Variants in PIERCE2 observed in about 807,000 individuals in gnomAD.
The protein encoded by PIERCE2 is piercer of microtubule wall 2 protein.
chr15:55,409,273 C>T, the PIERCE2 span, among the ~76,000 whole-genome samples: 1 of 151,884 alleles, frequency 6.6e-6, no homozygotes, highest in East Asian at 1.9e-4. Flanking sequence ...GGAGAGGTGG[C>T]GCGGGCCTGT....
chr15:55,415,991 C>G, the PIERCE2 span, among the ~76,000 whole-genome samples: 1 of 152,074 alleles, frequency 6.6e-6, no homozygotes, highest in Non-Finnish European at 1.5e-5. Context: ...TTAAATTTTT[C>G]TACAATAAAG....
chr15:55,417,904 G>C, the PIERCE2 span: 1 of 447,374 alleles, frequency 2.2e-6, no homozygotes, highest in Non-Finnish European at 4.0e-6. Flanking sequence ...ATTCTGTGGC[G>C]GGCAGGGGCA....
the PIERCE2 span, among the ~76,000 whole-genome samples, chr15:55,416,222 C>A: frequency 6.6e-6 from 1 of 152,108 alleles, no homozygotes; most frequent in African/African-American, 2.4e-5. Context: ...CTGCCTCAGC[C>A]TCCCGAGTAG....
chr15:55,408,746 A>G, the PIERCE2 span: 7 of 1,527,478 alleles, frequency 4.6e-6, no homozygotes, highest in South Asian at 8.4e-5. Context: ...CTTTGCCGAA[A>G]AAATTAACAA....
chr15:55,411,562 G>A, the PIERCE2 span, among the ~76,000 whole-genome samples: 1 of 152,036 alleles, frequency 6.6e-6, no homozygotes, highest in African/African-American at 2.4e-5. Context: ...GAGGCAGGTG[G>A]ATCACTTGAG....
chr15:55,415,042 C>T, the PIERCE2 span, among the ~76,000 whole-genome samples: 11 of 152,104 alleles, frequency 7.2e-5, no homozygotes, highest in Admixed American at 2.6e-4. Context: ...GCTGGGTGAA[C>T]GTTTATCTTA....
chr15:55,416,915 T>G, the PIERCE2 span, among the ~76,000 whole-genome samples: 1 of 152,076 alleles, frequency 6.6e-6, no homozygotes. Flanking sequence ...AAGCCGAGAC[T>G]GCACCATTGC....
chr15:55,417,801 T>G, the PIERCE2 span: 1 of 226,584 alleles, frequency 4.4e-6, no homozygotes, highest in Non-Finnish European at 8.7e-6. Context: ...GGAGGCGGGC[T>G]GAGTCCGAAA....
chr15:55,414,677 G>A, the PIERCE2 span, among the ~76,000 whole-genome samples: 11,633 of 151,280 alleles, frequency 0.077, 1,210 homozygotes, highest in East Asian at 0.53. Context: ...TCAGAAGTCC[G>A]AGGCCAGCCT....
the PIERCE2 span, chr15:55,411,039 G>C: frequency 3.3e-5 from 5 of 152,164 alleles, no homozygotes; most frequent in African/African-American, 1.2e-4. Context: ...TTCCAGCTTT[G>C]CCAACTACAA....
chr15:55,412,567 C>G, the PIERCE2 span, among the ~76,000 whole-genome samples: 1 of 152,138 alleles, frequency 6.6e-6, no homozygotes, highest in Admixed American at 6.6e-5. Flanking sequence ...TGGAAAAATA[C>G]TTTCAAAAAC....
the PIERCE2 span, among the ~76,000 whole-genome samples, chr15:55,416,424 A>C: frequency 6.6e-6 from 1 of 152,112 alleles, no homozygotes; most frequent in Non-Finnish European, 1.5e-5. Context: ...TTAATTTATC[A>C]AGCCATCATC....
chr15:55,415,030 G>T, the PIERCE2 span, among the ~76,000 whole-genome samples: 12 of 152,156 alleles, frequency 7.9e-5, no homozygotes, highest in Non-Finnish European at 1.2e-4. Context: ...AATTATACCA[G>T]GGCTGGGTGA....
At chr15:55,416,936 G>A in the PIERCE2 span, among the ~76,000 whole-genome samples, 4 of 152,088 alleles carry the variant, frequency 2.6e-5, no homozygotes, top group African/African-American at 9.7e-5. Context: ...AGTCCAGCCT[G>A]GATGACAGAG....
At chr15:55,418,592 G>A in the PIERCE2 span, 2 of 1,348,050 alleles carry the variant, frequency 1.5e-6, no homozygotes, top group Non-Finnish European at 2.0e-6. Context: ...TTTGTATATT[G>A]AAGAGAAAAT....
At chr15:55,408,500 C>A in the PIERCE2 span, 2 of 332,760 alleles carry the variant, frequency 6.0e-6, no homozygotes, top group East Asian at 4.6e-5. Flanking sequence ...CCGCAGATCC[C>A]CACAACATCC....
At chr15:55,411,788 G>A in the PIERCE2 span, among the ~76,000 whole-genome samples, 1 of 152,102 alleles carries the variant, frequency 6.6e-6, no homozygotes, top group African/African-American at 2.4e-5. Flanking sequence ...AGGCATGGTG[G>A]TGCATGCCTG....
At chr15:55,414,188 C>T in the PIERCE2 span, among the ~76,000 whole-genome samples, 3 of 142,912 alleles carry the variant, frequency 2.1e-5, no homozygotes, top group Non-Finnish European at 3.0e-5. Flanking sequence ...TGAGCCACCG[C>T]GCCAGGCCTG....
At chr15:55,416,582 T>A in the PIERCE2 span, among the ~76,000 whole-genome samples, 1 of 152,134 alleles carries the variant, frequency 6.6e-6, no homozygotes, top group African/African-American at 2.4e-5. Flanking sequence ...CTGGAAGTTA[T>A]CCTAGATCTG....
Sources: allele counts gnomAD v4.1 joint callset (sites outside exome capture counted in the v4.1 genomes callset), GRCh38; gene constraint gnomAD v4.1.1; transcripts MANE v1.5; gene names NCBI Gene and HGNC (gene_info 2026-07-23, HGNC 2026-07-21).